Variants in CSMD1 observed in about 807,000 individuals in gnomAD.
CSMD1 encodes CUB and Sushi multiple domains 1, also known as CUB and sushi domain-containing protein 1.
A neutral mutation model predicts 417.5 loss-of-function variants in CSMD1; 213 were observed. The observed-to-expected ratio is 0.51, with a 90% CI of 0.46 to 0.57. CSMD1 has a LOEUF of 0.57. CSMD1 is among the 20% of genes least tolerant of loss of function. CSMD1 has a pLI of 0.00. For missense variants in CSMD1, 6,923 were observed against 4,529.7 expected, an observed-to-expected ratio of 1.53 and a Z score of -15.17; for synonymous variants, 2,862 against 1,736.8, an observed-to-expected ratio of 1.65 and a Z score of -16.11.
chr8:4,007,703 A>T (rs1035032817), intron 4 of CSMD1, among the ~76,000 whole-genome samples: 1 of 152,084 alleles, frequency 6.6e-6, no homozygotes, highest in African/African-American at 2.4e-5. Context: ...GCAATGAATG[A>T]AAATTGAATG....
At chr8:3,569,316 C>G (rs61019854) in intron 10 of CSMD1, among the ~76,000 whole-genome samples, 2,302 of 152,202 alleles carry the variant, frequency 0.015, 59 homozygotes, top group African/African-American at 0.052. Flanking sequence ...TAAGATTCCG[C>G]AAGTAATTAT....
intron 1 of CSMD1, among the ~76,000 whole-genome samples, chr8:4,800,447 A>T (rs1798218847): frequency 6.6e-6 from 1 of 152,072 alleles, no homozygotes; most frequent in Non-Finnish European, 1.5e-5. Context: ...TCAAAAAAAA[A>T]AAAAAAAGGA....
intron 2 of CSMD1, among the ~76,000 whole-genome samples, chr8:4,443,513 C>G (rs1218751693): frequency 2.0e-5 from 3 of 152,096 alleles, no homozygotes; most frequent in African/African-American, 7.2e-5. Flanking sequence ...TATATTAACA[C>G]CAGAATACAG....
intron 2 of CSMD1, among the ~76,000 whole-genome samples, chr8:4,456,695 G>A (rs577271338): frequency 6.6e-6 from 1 of 152,102 alleles, no homozygotes; most frequent in Non-Finnish European, 1.5e-5. Context: ...TGGCTCTGGT[G>A]GAAGAAACAG....
chr8:4,961,522 C>A (rs1177455690), intron 1 of CSMD1, among the ~76,000 whole-genome samples: 2 of 152,252 alleles, frequency 1.3e-5, no homozygotes, highest in South Asian at 2.1e-4. Context: ...ATTAGTTTGG[C>A]TAGTTTGAAA....
At chr8:3,206,257 ATGTGTGGGGGGG>A (rs1797249634) in intron 30 of CSMD1, among the ~76,000 whole-genome samples, 1 of 48,388 alleles carries the variant, frequency 2.1e-5, no homozygotes, top group Non-Finnish European at 3.7e-5. Flanking sequence ...GGGGGTATGT[ATGTGTGGGGGGG>A]TATGTCTCTG....
At chr8:4,920,932 G>GAAA (rs1388734821) in intron 1 of CSMD1, among the ~76,000 whole-genome samples, 17 of 27,068 alleles carry the variant, frequency 6.3e-4, no homozygotes, top group South Asian at 2.0e-3. Context: ...AAAAGAAAGA[G>GAAA]AGAAAGAAAG....
chr8:3,183,608 T>G (rs556053469), intron 36 of CSMD1, among the ~76,000 whole-genome samples: 69 of 150,144 alleles, frequency 4.6e-4, no homozygotes, highest in Non-Finnish European at 8.4e-4. Context: ...CGAGTAGGTC[T>G]CTAATGTTTC....
intron 23 of CSMD1, among the ~76,000 whole-genome samples, chr8:3,321,515 G>C (rs562548339): frequency 3.9e-5 from 6 of 152,054 alleles, no homozygotes; most frequent in Non-Finnish European, 7.4e-5. Flanking sequence ...ATTCTTCCAA[G>C]TTTCCCCATG....
At chr8:3,699,056 G>A (rs547401516) in intron 7 of CSMD1, among the ~76,000 whole-genome samples, 4 of 152,268 alleles carry the variant, frequency 2.6e-5, no homozygotes, top group African/African-American at 7.2e-5. Flanking sequence ...GAAGCACTCT[G>A]CAGAAAGGCA....
At chr8:4,693,990 G>C (rs1237697825) in intron 1 of CSMD1, among the ~76,000 whole-genome samples, 1 of 152,232 alleles carries the variant, frequency 6.6e-6, no homozygotes, top group African/African-American at 2.4e-5. Context: ...GTGAAGGAAA[G>C]TCAATCTCGG....
At position 3,660,719 on chromosome 8, in the gene CSMD1, C is replaced by G. The variant is rs1328216437; in HGVS notation, c.1010-43922G>C. Among the ~76,000 whole-genome samples the G allele has an allele frequency of 2.1e-5, 3 of 140,824 alleles. No individual in the cohort carries two copies. In the East Asian group the frequency reaches 7.9e-4, roughly 37 times the overall value. The allele number at this position is 140,824 out of a possible 152,430, so 92.4% of individuals were successfully genotyped here. ...TATTTTTAGTAGAGACAGGGTTTCA[C>G]CATGTTGGTCAGGGTGATGTCAAAC... On this transcript the variant is annotated intron_variant, in intron 7 of 69. Transcript: ENST00000635120.
chr8:4,196,205 C>A (rs1458806338), intron 3 of CSMD1, among the ~76,000 whole-genome samples: 2 of 151,990 alleles, frequency 1.3e-5, no homozygotes, highest in Non-Finnish European at 2.9e-5. Context: ...AGCAAGACTC[C>A]GTTTCAAAAA....
chr8:4,078,655 T>C (rs969299200), intron 3 of CSMD1, among the ~76,000 whole-genome samples: 2 of 151,372 alleles, frequency 1.3e-5, no homozygotes, highest in East Asian at 3.9e-4. Context: ...TTTCTAACTA[T>C]CCTTTTGAGA....
chr8:4,078,891 TAATAAATATATATA>T (rs1331068479), intron 3 of CSMD1, among the ~76,000 whole-genome samples: 3 of 109,624 alleles, frequency 2.7e-5, no homozygotes, highest in East Asian at 2.7e-4. Flanking sequence ...ATAATAATAA[TAATAAATATATATA>T]TATATATATA....
At chr8:3,690,971 A>G (rs1245635549) in intron 7 of CSMD1, among the ~76,000 whole-genome samples, 2 of 152,154 alleles carry the variant, frequency 1.3e-5, no homozygotes, top group Non-Finnish European at 2.9e-5. Flanking sequence ...TGGTTAATGC[A>G]TGTTTGTGTG....
intron 2 of CSMD1, among the ~76,000 whole-genome samples, chr8:4,423,532 G>C (rs773690546): frequency 6.6e-6 from 1 of 151,994 alleles, no homozygotes; most frequent in African/African-American, 2.4e-5. Context: ...ACACAACACT[G>C]AAGAAAAAGT....
chr8:3,244,555 G>C (rs183412145), intron 26 of CSMD1, among the ~76,000 whole-genome samples: 41 of 152,266 alleles, frequency 2.7e-4, no homozygotes, highest in Admixed American at 2.6e-3. Flanking sequence ...TCTAACCTAG[G>C]TCGCTGCAGA....
intron 6 of CSMD1, among the ~76,000 whole-genome samples, chr8:3,714,901 G>A (rs1801739800): frequency 6.6e-6 from 1 of 152,000 alleles, no homozygotes; most frequent in Non-Finnish European, 1.5e-5. Flanking sequence ...CAACACACCT[G>A]GAGAAATCTC....
Sources: gnomAD v4.1 joint callset for allele counts (sites outside exome capture counted in the v4.1 genomes callset) on GRCh38, gnomAD v4.1.1 for gene constraint, MANE v1.5 for transcripts, NCBI Gene and HGNC (gene_info 2026-07-23, HGNC 2026-07-21) for gene names.